Variants in NAV2 observed in about 807,000 individuals in gnomAD.
NAV2 encodes the protein helicase, APC down-regulated 1.
A neutral mutation model predicts 223.2 loss-of-function variants in NAV2; 54 were observed. That is an observed-to-expected ratio of 0.24 (90% confidence interval 0.19 to 0.30). The LOEUF (loss-of-function observed/expected upper bound fraction) is 0.30, where lower values mean the gene tolerates loss of function less well. Ranked by LOEUF, NAV2 falls within the 10% of genes least tolerant of loss-of-function variation. The probability of loss-of-function intolerance (pLI) is 1.00; values close to 1 mark genes in which losing one functional copy is unlikely to be tolerated. For missense variants in NAV2, 2,806 were observed against 3,147.5 expected (o/e 0.89, Z 2.60); for synonymous variants, 1,279 against 1,239.3 (o/e 1.03, Z -0.67).
At chr11:20,116,788 T>C (rs2063133129) in intron 37 of NAV2, among the ~76,000 whole-genome samples, 1 of 152,206 alleles carries the variant, frequency 6.6e-6, no homozygotes, top group Non-Finnish European at 1.5e-5. Context: ...TCAGTTCTGC[T>C]CTTTCTGCCC....
rs771774338 is a variant in NAV2 at position 20,114,739 on chromosome 11, C to G, written c.7108C>G (p.Arg2370Gly). Residue 2370 changes from arginine to glycine, a missense_variant, in exon 37 of 38, where the codon CGG becomes GGG. Transcript: ENST00000349880. ...DVGFDGYSMP[R>G]EGSTSKQMPP... is the part of the protein sequence containing the mutation. ...CGGCTTCGACGGCTACTCCATGCCT[C>G]GGGAGGGATCGACAAGCAAGCAGAT... 3 of 1,614,042 alleles carry G rather than the reference C, an allele frequency of 1.9e-6. No individual in the cohort carries two copies. The South Asian group carries it at 3.3e-5, about 18-fold the overall frequency.
rs891949500 is a variant in NAV2, at chr11:20,117,987, G to A, written c.7165-146G>A. 5.7e-5 allele frequency: 48 copies of A among 838,278 alleles called. No individual in the cohort carries two copies. The African/African-American group carries it at 7.2e-4, about 13-fold the overall frequency. 51.9% of individuals were successfully genotyped at this position (838,278 alleles called of 1,614,324 possible). ...CTGGGATTTGAACCCTAGAAGCCTG[G>A]CCCAAAGTCCATGTTCTTGTCCACT... On this transcript the variant is annotated intron_variant, in intron 37 of 37. Transcript: ENST00000349880.
At chr11:19,845,518 C>A (rs1430375456) in intron 3 of NAV2, among the ~76,000 whole-genome samples, 1 of 152,124 alleles carries the variant, frequency 6.6e-6, no homozygotes, top group Non-Finnish European at 1.5e-5. Context: ...ACCTTTAGGG[C>A]CCTTTAATAA....
chr11:19,859,719 G>A lies in NAV2; in HGVS notation c.439-9206G>A, dbSNP rs552476903. 2.0e-3 allele frequency among the ~76,000 whole-genome samples: 306 copies of A among 151,814 alleles called. 2 individuals carry two copies. Among genetic ancestry groups the A allele is most frequent in the Non-Finnish European group, 3.1e-3 (211 of 67,824 alleles). ...TCCTCACTTCCCAGTAGGGGTGGCCGGGCAGAGGCGCCCCTCACCTCCCGG... is the reference window on the plus strand; with the variant it reads ...TCCTCACTTCCCAGTAGGGGTGGCCAGGCAGAGGCGCCCCTCACCTCCCGG... On this transcript the variant is annotated intron_variant, in intron 3 of 37. Coordinates refer to ENST00000349880, the MANE Select transcript of NAV2 (RefSeq NM_145117.5).
chr11:19,365,231 A>G (rs1000834676), intron 1 of NAV2, among the ~76,000 whole-genome samples: 10 of 151,972 alleles, frequency 6.6e-5, no homozygotes, highest in African/African-American at 2.2e-4. Context: ...CCAACCATCT[A>G]CCCCTAGTCA....
chr11:19,711,690 T>G (rs1262073167), upstream of NAV2: 1 of 152,204 alleles, frequency 6.6e-6, no homozygotes, highest in Non-Finnish European at 1.5e-5. Flanking sequence ...ACAAATAGTT[T>G]ATAAACAGAG....
chr11:19,531,080 A>G (rs2044015027), intron 1 of NAV2, among the ~76,000 whole-genome samples: 1 of 152,186 alleles, frequency 6.6e-6, no homozygotes, highest in African/African-American at 2.4e-5. Flanking sequence ...TACTATTTCT[A>G]TGTATTTATG....
chr11:20,033,388 G>C (rs1292584134), intron 11 of NAV2, among the ~76,000 whole-genome samples: 1 of 152,196 alleles, frequency 6.6e-6, no homozygotes, highest in Non-Finnish European at 1.5e-5. Flanking sequence ...AGAGTGTATA[G>C]AAGCAAATAG....
chr11:20,094,525 G>T (rs1393627854), intron 29 of NAV2, among the ~76,000 whole-genome samples: 1 of 152,142 alleles, frequency 6.6e-6, no homozygotes, highest in Non-Finnish European at 1.5e-5. Context: ...ACCACAGCCG[G>T]CTGGGAAACT....
intron 11 of NAV2, among the ~76,000 whole-genome samples, chr11:20,007,103 T>A (rs1389848202): frequency 6.6e-6 from 1 of 152,102 alleles, no homozygotes; most frequent in African/African-American, 2.4e-5. Context: ...ACTACAGGTA[T>A]GCACCACCAT....
intron 5 of NAV2, among the ~76,000 whole-genome samples, chr11:19,892,015 A>G (rs1418388414): frequency 6.6e-6 from 1 of 152,044 alleles, no homozygotes; most frequent in Non-Finnish European, 1.5e-5. Context: ...CTGGAGTGCA[A>G]TGGCGTGATC....
chr11:19,733,175 A>G (rs934024578), intron 1 of NAV2, among the ~76,000 whole-genome samples: 1 of 152,186 alleles, frequency 6.6e-6, no homozygotes, highest in Non-Finnish European at 1.5e-5. Flanking sequence ...ACAACCCTTG[A>G]TGGTTGAAGG....
chr11:19,907,049 C>T (rs1280500433), intron 6 of NAV2, among the ~76,000 whole-genome samples: 2 of 152,162 alleles, frequency 1.3e-5, no homozygotes, highest in African/African-American at 4.8e-5. Flanking sequence ...CATTCCTCAG[C>T]TCTAAAATGG....
At chr11:19,413,078 T>C (rs1478976786) in intron 1 of NAV2, among the ~76,000 whole-genome samples, 1 of 152,104 alleles carries the variant, frequency 6.6e-6, no homozygotes, top group Admixed American at 6.5e-5. Flanking sequence ...AGAATGAGTT[T>C]GAAAAATTGA....
chr11:19,642,444 C>T (rs2047691520), intron 1 of NAV2, among the ~76,000 whole-genome samples: 1 of 152,150 alleles, frequency 6.6e-6, no homozygotes, highest in Non-Finnish European at 1.5e-5. Context: ...ATGAGACAAA[C>T]CAGGAACTTA....
intron 1 of NAV2, among the ~76,000 whole-genome samples, chr11:19,614,715 T>A (rs1381650272): frequency 2.6e-5 from 4 of 152,190 alleles, no homozygotes; most frequent in African/African-American, 9.7e-5. Flanking sequence ...GCATAGGTCA[T>A]GCTGGTGGAG....
At chr11:19,761,360 G>C (rs2054719166) in intron 1 of NAV2, among the ~76,000 whole-genome samples, 1 of 152,200 alleles carries the variant, frequency 6.6e-6, no homozygotes, top group African/African-American at 2.4e-5. Context: ...ACAAAAATAA[G>C]TTTATTTCAG....
intron 1 of NAV2, among the ~76,000 whole-genome samples, chr11:19,820,584 A>G (rs2059318207): frequency 6.6e-6 from 1 of 152,218 alleles, no homozygotes; most frequent in Non-Finnish European, 1.5e-5. Flanking sequence ...AGCTGGAGAC[A>G]TATTTTGCCG....
intron 1 of NAV2, among the ~76,000 whole-genome samples, chr11:19,398,530 G>GA (rs1849557046): frequency 6.6e-6 from 1 of 152,084 alleles, no homozygotes; most frequent in Non-Finnish European, 1.5e-5. Flanking sequence ...CCACCACAGA[G>GA]AACCTGTGGT....
Sources: gnomAD v4.1 joint callset for allele counts (sites outside exome capture counted in the v4.1 genomes callset) on GRCh38, gnomAD v4.1.1 for gene constraint, MANE v1.5 for transcripts, NCBI Gene and HGNC (gene_info 2026-07-23, HGNC 2026-07-21) for gene names.